Variants in CSMD1 observed in about 807,000 individuals in gnomAD.
CSMD1 encodes the protein CUB and Sushi multiple domains 1, also known as CUB and sushi domain-containing protein 1.
In CSMD1, 213 loss-of-function variants were observed where a neutral mutation model predicts 417.5. The ratio of observed to expected loss-of-function variants is 0.51; its 90% CI spans 0.46 to 0.57. The LOEUF (loss-of-function observed/expected upper bound fraction) is 0.57, where lower values mean the gene tolerates loss of function less well. Ranked by LOEUF, CSMD1 falls within the 20% of genes least tolerant of loss-of-function variation. The pLI is 0.00. For missense variants in CSMD1, 6,923 were observed against 4,529.7 expected, an observed-to-expected ratio of 1.53 and a Z score of -15.17; for synonymous variants, 2,862 against 1,736.8, an observed-to-expected ratio of 1.65 and a Z score of -16.11.
At chr8:4,446,708 A>G (rs1388462326) in intron 2 of CSMD1, among the ~76,000 whole-genome samples, 4 of 144,536 alleles carry the variant, frequency 2.8e-5, no homozygotes, top group African/African-American at 1.1e-4. Flanking sequence ...GCCCACCACC[A>G]TGCCTGAGTT....
intron 3 of CSMD1, among the ~76,000 whole-genome samples, chr8:4,202,862 C>T (rs527847144): frequency 1.2e-4 from 19 of 152,222 alleles, no homozygotes; most frequent in Admixed American, 3.3e-4. Flanking sequence ...AATGCAGGTA[C>T]CTGAGAAATA....
At chr8:4,645,982 C>G (rs886850483) in intron 1 of CSMD1, among the ~76,000 whole-genome samples, 1 of 152,154 alleles carries the variant, frequency 6.6e-6, no homozygotes. Context: ...CCAATCAAAT[C>G]AAAAACAACA....
intron 3 of CSMD1, among the ~76,000 whole-genome samples, chr8:4,309,189 A>G (rs1355032095): frequency 6.6e-6 from 1 of 152,152 alleles, no homozygotes; most frequent in Admixed American, 6.6e-5. Context: ...TCTGAAGGTT[A>G]CTTTCAATTC....
At chr8:4,278,740 T>C (rs1391126007) in intron 3 of CSMD1, among the ~76,000 whole-genome samples, 1 of 152,202 alleles carries the variant, frequency 6.6e-6, no homozygotes, top group Non-Finnish European at 1.5e-5. Flanking sequence ...TCATCTCTGT[T>C]TGACTTGGTA....
At chr8:3,852,426 T>G (rs1369602414) in intron 5 of CSMD1, among the ~76,000 whole-genome samples, 2 of 152,128 alleles carry the variant, frequency 1.3e-5, no homozygotes, top group African/African-American at 4.8e-5. Context: ...CCTGTGCTGC[T>G]GGTCAAGACG....
At chr8:4,773,919 G>C (rs893787107) in intron 1 of CSMD1, among the ~76,000 whole-genome samples, 2 of 152,160 alleles carry the variant, frequency 1.3e-5, no homozygotes, top group African/African-American at 4.8e-5. Flanking sequence ...CTCTTGGCTG[G>C]GTGCAGTGGC....
intron 1 of CSMD1, among the ~76,000 whole-genome samples, chr8:4,720,114 G>A (rs1259839945): frequency 6.7e-6 from 1 of 150,086 alleles, no homozygotes; most frequent in Non-Finnish European, 1.5e-5. Context: ...CTTAATCTGT[G>A]GTTTGGAGTT....
intron 5 of CSMD1, among the ~76,000 whole-genome samples, chr8:3,849,733 C>A (rs1023143367): frequency 3.3e-5 from 5 of 152,136 alleles, no homozygotes; most frequent in Admixed American, 3.3e-4. Flanking sequence ...TAAACTCAAT[C>A]TTTATGAAGC....
intron 1 of CSMD1, among the ~76,000 whole-genome samples, chr8:4,882,288 A>T (rs1585258323): frequency 6.6e-6 from 1 of 151,500 alleles, no homozygotes; most frequent in African/African-American, 2.4e-5. Context: ...TCTCTAACTC[A>T]CGTGGCTGAA....
At chr8:3,649,555 G>A (rs952138096) in intron 7 of CSMD1, among the ~76,000 whole-genome samples, 2 of 152,110 alleles carry the variant, frequency 1.3e-5, no homozygotes, top group African/African-American at 4.8e-5. Context: ...TGGCAGGAAG[G>A]AGAAGTGCTG....
At chr8:4,942,585 A>G (rs532582705) in intron 1 of CSMD1, among the ~76,000 whole-genome samples, 5 of 152,360 alleles carry the variant, frequency 3.3e-5, no homozygotes, top group African/African-American at 7.2e-5. Context: ...ACTTCACTCT[A>G]ATGACTAAGT....
chr8:4,717,695 G>A (rs7822599), intron 1 of CSMD1, among the ~76,000 whole-genome samples: 1 of 151,572 alleles, frequency 6.6e-6, no homozygotes, highest in South Asian at 2.1e-4. Context: ...CGAAGAGGCT[G>A]GGTAACCAAG....
chr8:4,117,924 C>T (rs1401369486), intron 3 of CSMD1, among the ~76,000 whole-genome samples: 1 of 144,510 alleles, frequency 6.9e-6, no homozygotes, highest in African/African-American at 2.6e-5. Flanking sequence ...AAGAAATTTT[C>T]CTGGAAAAGT....
chr8:4,168,118 G>A (rs1170966761), intron 3 of CSMD1, among the ~76,000 whole-genome samples: 1 of 150,976 alleles, frequency 6.6e-6, no homozygotes, highest in East Asian at 2.0e-4. Context: ...AAGAGAGCAA[G>A]GCTCTGTCTC....
At position 3,387,622 on chromosome 8, in the gene CSMD1, T is replaced by C. The variant is rs567964743; in HGVS notation, c.2654A>G (p.His885Arg). Residue 885 changes from histidine (H) to arginine (R), a missense_variant, in exon 18 of 70, where the codon CAC (histidine) becomes CGC (arginine). His to Arg is a conservative substitution (Grantham distance 29). Coordinates refer to ENST00000635120, the MANE Select transcript of CSMD1 (RefSeq NM_033225.6). ...GGACCTGATGCCAAAGTCTCCACCG[T>C]GGCGATGGCCGTTCACAGGGATGCC... ...DPGIPVNGHR[H>R]GGDFGIRSTV... 24 of 1,601,140 alleles carry C rather than the reference T, an allele frequency of 1.5e-5. No homozygotes were observed. The East Asian group carries it at 5.0e-4, about 33-fold the overall frequency.
chr8:4,705,592 A>T (rs377275998), intron 1 of CSMD1, among the ~76,000 whole-genome samples: 3 of 152,194 alleles, frequency 2.0e-5, no homozygotes, highest in African/African-American at 7.2e-5. Context: ...GTACTTATTG[A>T]ACAGATATTT....
intron 8 of CSMD1, among the ~76,000 whole-genome samples, chr8:3,616,353 G>A (rs1162198828): frequency 1.3e-5 from 2 of 152,066 alleles, no homozygotes; most frequent in Admixed American, 6.6e-5. Flanking sequence ...TCTCCTTCCT[G>A]TCACCATATG....
chr8:4,368,489 G>C (rs1289013800), intron 3 of CSMD1, among the ~76,000 whole-genome samples: 2 of 152,130 alleles, frequency 1.3e-5, no homozygotes, highest in Non-Finnish European at 2.9e-5. Context: ...GTTTCATAAA[G>C]TGACTTAGAG....
intron 5 of CSMD1, among the ~76,000 whole-genome samples, chr8:3,858,475 GATA>G (rs1804464493): frequency 6.6e-6 from 1 of 152,006 alleles, no homozygotes; most frequent in South Asian, 2.1e-4. Flanking sequence ...TCTATCTTTA[GATA>G]ATAATTCCAA....
Sources: gnomAD v4.1 joint callset for allele counts (sites outside exome capture counted in the v4.1 genomes callset) on GRCh38, gnomAD v4.1.1 for gene constraint, MANE v1.5 for transcripts, NCBI Gene and HGNC (gene_info 2026-07-23, HGNC 2026-07-21) for gene names.